Variants in CADPS2 observed in about 807,000 individuals in gnomAD.
The protein encoded by CADPS2 is calcium dependent secretion activator 2, also known as calcium-dependent secretion activator 2.
CADPS2 carries 93 observed loss-of-function variants against 172.5 expected under a neutral mutation model. The observed-to-expected ratio is 0.54, with a 90% CI of 0.46 to 0.64. The LOEUF (loss-of-function observed/expected upper bound fraction) is 0.64, where lower values mean the gene tolerates loss of function less well. CADPS2 is among the 30% of genes least tolerant of loss of function. CADPS2 has a pLI of 0.00. For synonymous variants in CADPS2, 546 were observed against 555.2 expected (o/e 0.98, Z 0.23); for missense variants, 1,420 against 1,565.9 (o/e 0.91, Z 1.57).
intron 3 of CADPS2, among the ~76,000 whole-genome samples, chr7:122,659,373 A>AC (rs2080250252): frequency 6.6e-6 from 1 of 151,636 alleles, no homozygotes; most frequent in African/African-American, 2.4e-5. Flanking sequence ...TCATTAGTGG[A>AC]TTTGACATTG....
chr7:122,813,994 T>C (rs1417917026), intron 1 of CADPS2, among the ~76,000 whole-genome samples: 1 of 151,978 alleles, frequency 6.6e-6, no homozygotes, highest in Non-Finnish European at 1.5e-5. Flanking sequence ...TTCGTCAATG[T>C]GTATACAAGG....
At chr7:122,637,208 T>TCTC (rs1554680784) in intron 3 of CADPS2, among the ~76,000 whole-genome samples, 4 of 62,694 alleles carry the variant, frequency 6.4e-5, no homozygotes, top group African/African-American at 1.9e-4. Flanking sequence ...TTTTTTTTTT[T>TCTC]CCTGAGACAG....
At chr7:122,812,653 CA>C (rs1396286671) in intron 1 of CADPS2, among the ~76,000 whole-genome samples, 4 of 151,906 alleles carry the variant, frequency 2.6e-5, no homozygotes, top group African/African-American at 7.3e-5. Flanking sequence ...ATTGGTGGGA[CA>C]GGGGGAGAGG....
At chr7:122,477,213 T>C (rs975663456) in intron 12 of CADPS2, among the ~76,000 whole-genome samples, 4 of 152,102 alleles carry the variant, frequency 2.6e-5, no homozygotes, top group African/African-American at 9.7e-5. Context: ...TACAAGTGTT[T>C]ATAACATTAC....
chr7:122,426,956 G>A (rs887824309), intron 17 of CADPS2, among the ~76,000 whole-genome samples: 2 of 152,132 alleles, frequency 1.3e-5, no homozygotes, highest in Non-Finnish European at 2.9e-5. Context: ...ACATCCTTCT[G>A]GATACCTTTT....
At chr7:122,512,940 T>A (rs553706570) in intron 9 of CADPS2, among the ~76,000 whole-genome samples, 2 of 152,266 alleles carry the variant, frequency 1.3e-5, no homozygotes, top group African/African-American at 4.8e-5. Flanking sequence ...TTACATTTTA[T>A]CTGATATTGC....
intron 1 of CADPS2, among the ~76,000 whole-genome samples, chr7:122,741,179 T>G (rs2092455647): frequency 6.6e-6 from 1 of 152,186 alleles, no homozygotes; most frequent in African/African-American, 2.4e-5. Flanking sequence ...CTCTATGTAC[T>G]GATTTTAAAT....
At chr7:122,388,181 C>T (rs1231086987) in intron 23 of CADPS2, among the ~76,000 whole-genome samples, 1 of 151,960 alleles carries the variant, frequency 6.6e-6, no homozygotes, top group East Asian at 1.9e-4. Context: ...TGGTGCTGAT[C>T]CTATTTTGAG....
At chr7:122,726,040 A>C (rs1191364967) in intron 2 of CADPS2, among the ~76,000 whole-genome samples, 1 of 151,906 alleles carries the variant, frequency 6.6e-6, no homozygotes, top group Non-Finnish European at 1.5e-5. Context: ...CAAGACAGTA[A>C]ATTTTAACTC....
intron 17 of CADPS2, among the ~76,000 whole-genome samples, chr7:122,434,718 TA>T (rs549075627): frequency 6.6e-6 from 1 of 152,164 alleles, no homozygotes; most frequent in South Asian, 2.1e-4. Flanking sequence ...AATAGAACGT[TA>T]AAAAATTCAG....
intron 2 of CADPS2, among the ~76,000 whole-genome samples, chr7:122,732,250 A>G (rs1268931709): frequency 6.6e-6 from 1 of 151,666 alleles, no homozygotes; most frequent in Middle Eastern, 3.2e-3. Flanking sequence ...AAAAAGAAAT[A>G]TATCTCGGGT....
intron 1 of CADPS2, among the ~76,000 whole-genome samples, chr7:122,877,326 C>G (rs1309682114): frequency 6.6e-6 from 1 of 152,134 alleles, no homozygotes; most frequent in African/African-American, 2.4e-5. Context: ...ACTAGTAAAG[C>G]ACCAAAAACA....
intron 3 of CADPS2, among the ~76,000 whole-genome samples, chr7:122,640,011 A>G (rs1044205119): frequency 6.6e-6 from 1 of 152,226 alleles, no homozygotes; most frequent in Non-Finnish European, 1.5e-5. Context: ...GACAAGGCAC[A>G]TTGAAATTAA....
rs890774028 is a variant in CADPS2 at position 122,798,158 on chromosome 7, G to A, written c.340-61090C>T. 2.6e-5 allele frequency among the ~76,000 whole-genome samples: 4 copies of A among 151,844 alleles called. No homozygotes were observed. The South Asian group carries it at 8.3e-4, about 32-fold the overall frequency. On this transcript the variant is annotated intron_variant, in intron 1 of 29. Coordinates refer to ENST00000449022, the MANE Select transcript of CADPS2 (RefSeq NM_017954.11). Reference sequence around the variant, plus strand: ...ACACCACAATACAATTCTTACCAATGAGGTTTCCCTTTCCTTCCCTAACTC... The same window carrying A: ...ACACCACAATACAATTCTTACCAATAAGGTTTCCCTTTCCTTCCCTAACTC...
chr7:122,488,049 G>A (rs758610507), intron 11 of CADPS2, among the ~76,000 whole-genome samples: 7 of 152,280 alleles, frequency 4.6e-5, no homozygotes, highest in South Asian at 2.1e-4. Flanking sequence ...ATTAAATGCT[G>A]TAGAACTGTA....
intron 1 of CADPS2, among the ~76,000 whole-genome samples, chr7:122,780,531 G>A (rs983261122): frequency 2.6e-5 from 4 of 151,976 alleles, no homozygotes; most frequent in Admixed American, 6.6e-5. Context: ...TCAATAATCC[G>A]ATTTAGCCCA....
intron 17 of CADPS2, among the ~76,000 whole-genome samples, chr7:122,425,323 C>A (rs2049016618): frequency 6.8e-6 from 1 of 147,008 alleles, no homozygotes; most frequent in South Asian, 2.1e-4. Context: ...TGCCATGGTT[C>A]ATGCCTGTAA....
rs11409423 is a variant in CADPS2 at position 122,757,689 on chromosome 7, G to GTT, written c.340-20623_340-20622dup. ...GTTTGGACGTTCAATCCCTAGCTGA[G>GTT]TTTTTTAAAACAACTGACTAACAGC... On this transcript the variant is annotated intron_variant, in intron 1 of 29. Coordinates refer to ENST00000449022, the MANE Select transcript of CADPS2 (RefSeq NM_017954.11). 2.8e-3 allele frequency among the ~76,000 whole-genome samples: 420 copies of GTT among 151,698 alleles called. 2 individuals are homozygous for GTT. Among genetic ancestry groups the GTT allele is most frequent in the African/African-American group, 9.7e-3 (402 of 41,282 alleles).
At chr7:122,820,144 A>G (rs921872585) in intron 1 of CADPS2, among the ~76,000 whole-genome samples, 4 of 152,094 alleles carry the variant, frequency 2.6e-5, no homozygotes, top group African/African-American at 9.7e-5. Context: ...ACCTGCCTCT[A>G]CAACCCATTA....
Sources: allele counts gnomAD v4.1 joint callset (sites outside exome capture counted in the v4.1 genomes callset), GRCh38; gene constraint gnomAD v4.1.1; transcripts MANE v1.5; gene names NCBI Gene and HGNC (gene_info 2026-07-23, HGNC 2026-07-21).